TACR3: variants seen among roughly 807,000 people sequenced by gnomAD.
TACR3 encodes tachykinin receptor 3.
TACR3 carries 34 observed loss-of-function variants against 35.0 expected under a neutral mutation model. The observed-to-expected ratio is 0.97, with a 90% CI of 0.74 to 1.30. TACR3 has a LOEUF of 1.30. TACR3 is among the 50% of genes most tolerant of loss of function. The pLI, the probability that TACR3 is intolerant of heterozygous loss-of-function variation, is 0.00. For missense variants in TACR3, 558 were observed against 591.7 expected (o/e 0.94, Z 0.59); for synonymous variants, 233 against 221.1 (o/e 1.05, Z -0.48).
chr4:103,689,361 T>C (rs1722346405), intron 1 of TACR3, among the ~76,000 whole-genome samples: 1 of 152,004 alleles, frequency 6.6e-6, no homozygotes, highest in African/African-American at 2.4e-5. Flanking sequence ...GTAACTAACC[T>C]GCACATTGTG....
In TACR3 at chr4:103,591,663, A is replaced by G; in HGVS notation, c.909T>C (p.Ile303=). Residue 303 remains isoleucine, a synonymous_variant, in exon 4 of 5, where the codon ATT becomes ATC. Coordinates refer to ENST00000304883, the MANE Select transcript of TACR3 (RefSeq NM_001059.3). ...AGCAGATAGCAAATGTCATGACAAC[A>G]ATAATCATCATTTTGACAACCTATA... ...AKRKVVKMMI[I]VVMTFAICWL... 1 of 1,613,180 alleles carries G rather than the reference A, an allele frequency of 6.2e-7. No individual in the cohort carries two copies. The highest frequency in any genetic ancestry group is 1.1e-5 in the South Asian group (1 of 91,044).
rs576834683 is a variant in TACR3, at chr4:103,637,403, A to G, written c.888+18791T>C. On this transcript the variant is annotated intron_variant, in intron 3 of 4. Coordinates refer to ENST00000304883, the MANE Select transcript of TACR3 (RefSeq NM_001059.3). ...AAATTCAGCAACCCTTCATGCTAAA[A>G]ACTCTCAATAAATTAGGTATTGATG... Among the ~76,000 whole-genome samples, 9 of 152,308 alleles carry G rather than the reference A, an allele frequency of 5.9e-5. No individual in the cohort carries two copies. In the South Asian group the frequency reaches 1.9e-3, roughly 32 times the overall value.
chr4:103,640,000 G>A (rs913759472), intron 3 of TACR3, among the ~76,000 whole-genome samples: 2 of 151,856 alleles, frequency 1.3e-5, no homozygotes, highest in Non-Finnish European at 2.9e-5. Context: ...TTCATGAATA[G>A]GGCAAAGTAA....
chr4:103,691,084 A>G (rs1722392671), intron 1 of TACR3, among the ~76,000 whole-genome samples: 3 of 152,328 alleles, frequency 2.0e-5, no homozygotes, highest in South Asian at 4.1e-4. Context: ...TATGTTTTCT[A>G]TACAACCCAA....
intron 3 of TACR3, among the ~76,000 whole-genome samples, chr4:103,607,935 G>A (rs757416378): frequency 6.6e-6 from 1 of 152,110 alleles, no homozygotes; most frequent in Non-Finnish European, 1.5e-5. Context: ...CAAAGTTTTA[G>A]TAAGATAAGA....
At chr4:103,667,935 C>T (rs1725967512) in intron 1 of TACR3, among the ~76,000 whole-genome samples, 1 of 151,982 alleles carries the variant, frequency 6.6e-6, no homozygotes, top group Non-Finnish European at 1.5e-5. Flanking sequence ...CTCAAGTGAT[C>T]CTCCCACCTC....
At chr4:103,650,608 TATAA>T (rs1382710318) in intron 3 of TACR3, among the ~76,000 whole-genome samples, 4 of 97,766 alleles carry the variant, frequency 4.1e-5, no homozygotes, top group East Asian at 2.4e-4. Flanking sequence ...ATATAAAATA[TATAA>T]ATATATTATA....
At chr4:103,656,585 A>G (rs947712964) in intron 2 of TACR3, among the ~76,000 whole-genome samples, 3 of 152,066 alleles carry the variant, frequency 2.0e-5, no homozygotes, top group Non-Finnish European at 2.9e-5. Flanking sequence ...GCTGGGTTGA[A>G]GGGCTCAGTT....
At chr4:103,606,331 C>G (rs1417457230) in intron 3 of TACR3, among the ~76,000 whole-genome samples, 1 of 151,980 alleles carries the variant, frequency 6.6e-6, no homozygotes, top group African/African-American at 2.4e-5. Flanking sequence ...TCCATATGAA[C>G]TTTAAAGTAG....
At chr4:103,597,221 G>A (rs980080400) in intron 3 of TACR3, among the ~76,000 whole-genome samples, 1 of 149,252 alleles carries the variant, frequency 6.7e-6, no homozygotes, top group African/African-American at 2.5e-5. Flanking sequence ...CCCACCAACA[G>A]TGTAAAAGTG....
intron 3 of TACR3, among the ~76,000 whole-genome samples, chr4:103,603,694 G>A (rs1418088639): frequency 6.6e-6 from 1 of 152,144 alleles, no homozygotes; most frequent in Non-Finnish European, 1.5e-5. Flanking sequence ...ACCCAGTAAT[G>A]GGATTGCTGG....
intron 1 of TACR3, among the ~76,000 whole-genome samples, chr4:103,663,278 G>A (rs1725871689): frequency 6.6e-6 from 1 of 152,168 alleles, no homozygotes; most frequent in Admixed American, 6.5e-5. Context: ...CGGATCACTT[G>A]AGGCCAGGAG....
chr4:103,638,909 A>T (rs1725276611), intron 3 of TACR3, among the ~76,000 whole-genome samples: 1 of 152,214 alleles, frequency 6.6e-6, no homozygotes, highest in Non-Finnish European at 1.5e-5. Flanking sequence ...CACACCAGTT[A>T]GAATGGCGAT....
intron 1 of TACR3, among the ~76,000 whole-genome samples, chr4:103,693,852 G>T (rs573358623): frequency 6.6e-6 from 1 of 151,816 alleles, no homozygotes; most frequent in Admixed American, 6.6e-5. Flanking sequence ...TAATATTTTT[G>T]TTTTTTATGA....
chr4:103,599,761 T>G (rs531025323), intron 3 of TACR3, among the ~76,000 whole-genome samples: 121 of 152,212 alleles, frequency 7.9e-4, no homozygotes, highest in Non-Finnish European at 1.5e-3. Flanking sequence ...TTAGATTTGT[T>G]GATTTGCGTA....
At chr4:103,606,616 G>A (rs1415272879) in intron 3 of TACR3, among the ~76,000 whole-genome samples, 1 of 151,924 alleles carries the variant, frequency 6.6e-6, no homozygotes, top group African/African-American at 2.4e-5. Context: ...TCATGATTTG[G>A]CTCTCTGTCT....
At chr4:103,611,491 C>A (rs10013026) in intron 3 of TACR3, among the ~76,000 whole-genome samples, 1 of 151,986 alleles carries the variant, frequency 6.6e-6, no homozygotes, top group South Asian at 2.1e-4. Flanking sequence ...CACACAGTTG[C>A]CTCCTAAGGC....
chr4:103,650,820 TATAATAA>T lies in TACR3; in HGVS notation c.888+5367_888+5373del, dbSNP rs1560822206. 3.0e-4 allele frequency among the ~76,000 whole-genome samples: 14 copies of T among 45,988 alleles called. 1 individual carries two copies. The highest frequency in any genetic ancestry group is 3.6e-4 in the Non-Finnish European group (11 of 30,254). 30.2% of individuals were successfully genotyped at this position (45,988 alleles called of 152,430 possible). Reference sequence around the variant, plus strand: ...ATATTTTATATATAATAATATATTATATAATAATATATATATCTTATATATAATAATA... The same window carrying T: ...ATATTTTATATATAATAATATATTATTATATATATCTTATATATAATAATA... On this transcript the variant is annotated intron_variant, in intron 3 of 4. Coordinates refer to ENST00000304883, the MANE Select transcript of TACR3 (RefSeq NM_001059.3).
At chr4:103,682,649 A>T (rs1722125638) in intron 1 of TACR3, among the ~76,000 whole-genome samples, 1 of 152,088 alleles carries the variant, frequency 6.6e-6, no homozygotes, top group Non-Finnish European at 1.5e-5. Flanking sequence ...CTGGAGCTAC[A>T]GGTGTGAGCC....
Sources: allele counts gnomAD v4.1 joint callset (sites outside exome capture counted in the v4.1 genomes callset), GRCh38; gene constraint gnomAD v4.1.1; transcripts MANE v1.5; gene names NCBI Gene and HGNC (gene_info 2026-07-23, HGNC 2026-07-21).